Variants in HMHB1 observed in about 807,000 individuals in gnomAD.
HMHB1 encodes histocompatibility minor HB-1.
A neutral mutation model predicts 2.4 loss-of-function variants in HMHB1; 4 were observed. The observed-to-expected ratio is 1.65, with a 90% CI of 0.81 to 3.77. The LOEUF is 3.77. HMHB1 is among the 30% of genes most tolerant of loss of function. HMHB1 has a pLI of 0.01. For synonymous variants in HMHB1, 22 were observed against 17.6 expected (o/e 1.25, Z -0.63); for missense variants, 57 against 44.2 (o/e 1.29, Z -0.82).
chr5:143,819,634 CAAAAAAAAAA>C (rs34190658), intron 1 of HMHB1, among the ~76,000 whole-genome samples: 1 of 82,642 alleles, frequency 1.2e-5, no homozygotes, highest in African/African-American at 4.3e-5. Context: ...GACTCTGTCT[CAAAAAAAAAA>C]AAAAAAAAGG....
intron 1 of HMHB1, among the ~76,000 whole-genome samples, chr5:143,813,564 A>C (rs1317520731): frequency 1.3e-5 from 2 of 152,224 alleles, no homozygotes; most frequent in Non-Finnish European, 2.9e-5. Context: ...GGGCCAGCAT[A>C]AGTCAACTGT....
At chr5:143,813,134 C>T (rs2126792191) in intron 1 of HMHB1, among the ~76,000 whole-genome samples, 1 of 152,302 alleles carries the variant, frequency 6.6e-6, no homozygotes, top group African/African-American at 2.4e-5. Context: ...TGTGCTCTGT[C>T]TGGTCCACAC....
At chr5:143,816,955 T>A (rs773914576) in intron 1 of HMHB1, among the ~76,000 whole-genome samples, 1 of 152,242 alleles carries the variant, frequency 6.6e-6, no homozygotes, top group South Asian at 2.1e-4. Context: ...TGATCATTAG[T>A]GATGCTCAGT....
At chr5:143,818,542 T>C (rs761502940) in intron 1 of HMHB1, among the ~76,000 whole-genome samples, 6 of 152,190 alleles carry the variant, frequency 3.9e-5, no homozygotes, top group Non-Finnish European at 5.9e-5. Context: ...CTATTATTTA[T>C]CACAGTCAGA....
intron 1 of HMHB1, among the ~76,000 whole-genome samples, chr5:143,812,675 A>C (rs1484163764): frequency 6.6e-6 from 1 of 152,118 alleles, no homozygotes. Context: ...GTTCTTGCCC[A>C]CCGCGTGGGA....
At chr5:143,820,418 A>G in intron 1 of HMHB1, 62 bp from the exon 2 acceptor site, 2 of 943,144 alleles carry the variant, frequency 2.1e-6, no homozygotes, top group Non-Finnish European at 1.7e-6. Flanking sequence ...TATTAATCTA[A>G]ATAGAAAATA....
intron 1 of HMHB1, among the ~76,000 whole-genome samples, chr5:143,819,999 A>T (rs143150810): frequency 6.6e-6 from 1 of 152,276 alleles, no homozygotes; most frequent in Non-Finnish European, 1.5e-5. Context: ...TTTTTCTGCT[A>T]TTCAACAGTT....
chr5:143,818,997 T>G (rs917640735), intron 1 of HMHB1, among the ~76,000 whole-genome samples: 1 of 152,220 alleles, frequency 6.6e-6, no homozygotes, highest in Non-Finnish European at 1.5e-5. Context: ...CTAGAAAACA[T>G]AAAAACAAAA....
Position 143,820,509 on chromosome 5 carries a change from G to T in HMHB1, c.67G>T (p.Val23Phe). The T allele has an allele frequency of 3.7e-6, 6 of 1,612,932 alleles. No homozygotes were observed. The highest frequency in any genetic ancestry group is 5.1e-6 in the Non-Finnish European group (6 of 1,179,140). The stretch of plus-strand genomic sequence containing the variant: ...TCTGCATGTTTGGAAGTCGGAATTG[G>T]TTGAAGTTGAAGATGATGTGTATCT... Residue 23 changes from valine to phenylalanine, a missense_variant, in exon 2 of 2, where the codon GTT (valine) becomes TTT (phenylalanine). Val to Phe is a conservative substitution (Grantham distance 50). Coordinates refer to ENST00000289448, the MANE Select transcript of HMHB1 (RefSeq NM_021182.3).
chr5:143,819,363 G>C (rs17101050), intron 1 of HMHB1, among the ~76,000 whole-genome samples: 24,824 of 152,164 alleles, frequency 0.16, 2,387 homozygotes, highest in Admixed American at 0.23. Flanking sequence ...CAATATCCTG[G>C]CAACTTCCTT....
Position 143,816,841 on chromosome 5 carries a change from G to A in HMHB1, c.38-3639G>A, listed in dbSNP as rs182565287. ...CACCAGCAGTGTAAAAGTGTTCCCC[G>A]TTCACTGCATCCATGCCAGCATCTA... On this transcript the variant is annotated intron_variant, in intron 1 of 1. Transcript: ENST00000289448. 7.2e-5 allele frequency among the ~76,000 whole-genome samples: 11 copies of A among 152,240 alleles called. No individual in the cohort carries two copies. The East Asian group carries it at 7.7e-4, about 11-fold the overall frequency.
chr5:143,816,409 G>GCGT (rs1318523549), intron 1 of HMHB1, among the ~76,000 whole-genome samples: 1 of 151,976 alleles, frequency 6.6e-6, no homozygotes, highest in Non-Finnish European at 1.5e-5. Context: ...TTATGCCTTT[G>GCGT]CGTCCTCACA....
Position 143,812,173 on chromosome 5 carries a change from A to G in HMHB1, c.-95A>G. 9.0e-7 allele frequency: 1 copy of G among 1,105,846 alleles called. No homozygotes were observed. The highest frequency in any genetic ancestry group is 1.6e-5 in the African/African-American group (1 of 63,576). The allele number at this position is 1,105,846 out of a possible 1,614,324, so 68.5% of individuals were successfully genotyped here. On this transcript the variant is annotated 5_prime_UTR_variant, in exon 1 of 2. Transcript: ENST00000289448. ...GCAGATGAGGAAACCACATCCCAGG[A>G]GGCCGAGGCGGCTTGCCCCGCATCT... is the stretch of plus-strand genomic sequence containing the variant.
In HMHB1 at chr5:143,820,676, T is replaced by G; in HGVS notation, c.*108T>G. 1.4e-6 allele frequency: 1 copy of G among 724,724 alleles called. No homozygotes were observed. Among genetic ancestry groups the G allele is most frequent in the Non-Finnish European group, 2.5e-6 (1 of 396,616 alleles). 44.9% of individuals were successfully genotyped at this position (724,724 alleles called of 1,614,324 possible). On this transcript the variant is annotated 3_prime_UTR_variant, in exon 2 of 2. Transcript: ENST00000289448. The stretch of plus-strand genomic sequence containing the variant: ...AATTAAGCAAGTGGAACATATGCCC[T>G]TTGCCTCTGCTCTGCACAGTGAAAT...
At chr5:143,815,545 G>A (rs1455027625) in intron 1 of HMHB1, among the ~76,000 whole-genome samples, 1 of 140,872 alleles carries the variant, frequency 7.1e-6, no homozygotes, top group Non-Finnish European at 1.5e-5. Context: ...TTTTTGAGAT[G>A]CAGTCTCGCT....
intron 1 of HMHB1, among the ~76,000 whole-genome samples, chr5:143,819,047 A>G (rs1759778889): frequency 6.6e-6 from 1 of 152,166 alleles, no homozygotes; most frequent in African/African-American, 2.4e-5. Flanking sequence ...TTGTCTCTCT[A>G]TATCCATCCT....
intron 1 of HMHB1, among the ~76,000 whole-genome samples, chr5:143,815,570 G>A (rs1759738282): frequency 6.7e-6 from 1 of 150,176 alleles, no homozygotes; most frequent in African/African-American, 2.5e-5. Flanking sequence ...CGCCCAGGCT[G>A]GATTTGGAGT....
intron 1 of HMHB1, among the ~76,000 whole-genome samples, chr5:143,813,168 A>G (rs1356757108): frequency 6.6e-6 from 1 of 152,182 alleles, no homozygotes; most frequent in African/African-American, 2.4e-5. Context: ...ACCCCAGGGA[A>G]TGCTCAGATC....
chr5:143,813,957 T>C (rs1014294933), intron 1 of HMHB1, among the ~76,000 whole-genome samples: 2 of 152,346 alleles, frequency 1.3e-5, no homozygotes, highest in Non-Finnish European at 2.9e-5. Context: ...TGAGTAACAC[T>C]ATTGCAAATT....
Sources: allele counts gnomAD v4.1 joint callset (sites outside exome capture counted in the v4.1 genomes callset), GRCh38; gene constraint gnomAD v4.1.1; transcripts MANE v1.5; gene names NCBI Gene and HGNC (gene_info 2026-07-23, HGNC 2026-07-21).